The following INPP4B variants were observed in gnomAD, a reference collection of about 807,000 sequenced individuals.
INPP4B encodes the protein inositol polyphosphate 4-phosphatase type II.
Under a neutral mutation model 122.5 loss-of-function variants are expected in INPP4B, and 55 were observed. The observed-to-expected ratio is 0.45, with a 90% CI of 0.36 to 0.56. The LOEUF (loss-of-function observed/expected upper bound fraction) is 0.56. Among genes scored for constraint, INPP4B ranks in the 20% least tolerant of loss-of-function variants. INPP4B has a pLI of 0.00. For missense variants in INPP4B, 1,000 were observed against 1,097.7 expected, an observed-to-expected ratio of 0.91 and a Z score of 1.26; for synonymous variants, 403 against 388.7, an observed-to-expected ratio of 1.04 and a Z score of -0.43.
intron 18 of INPP4B, among the ~76,000 whole-genome samples, chr4:142,135,507 C>T (rs1217173208): frequency 1.3e-5 from 2 of 152,174 alleles, no homozygotes; most frequent in Non-Finnish European, 2.9e-5. Context: ...ATGGAAATGA[C>T]TGGCTGGGGC....
chr4:142,465,820 G>A (rs1009219162), intron 2 of INPP4B, among the ~76,000 whole-genome samples: 1 of 152,102 alleles, frequency 6.6e-6, no homozygotes, highest in African/African-American at 2.4e-5. Context: ...ATATTTGGTT[G>A]TTTAAAAGAG....
At chr4:142,227,443 CAAAA>C (rs1012007958) in intron 12 of INPP4B, among the ~76,000 whole-genome samples, 1 of 150,768 alleles carries the variant, frequency 6.6e-6, no homozygotes, top group Non-Finnish European at 1.5e-5. Context: ...GTATAAATAA[CAAAA>C]AAAGAGATGA....
chr4:142,246,990 A>G (rs1729210103), intron 11 of INPP4B, among the ~76,000 whole-genome samples: 1 of 152,130 alleles, frequency 6.6e-6, no homozygotes, highest in Non-Finnish European at 1.5e-5. Flanking sequence ...TACTTTATTG[A>G]GAGTTTTTAG....
chr4:142,639,454 T>G (rs187753981), intron 2 of INPP4B, among the ~76,000 whole-genome samples: 26 of 152,286 alleles, frequency 1.7e-4, no homozygotes, highest in Admixed American at 9.2e-4. Context: ...CTTGTGTGAG[T>G]TTTGGCAGAT....
chr4:142,420,513 T>C (rs150812972), intron 5 of INPP4B, among the ~76,000 whole-genome samples: 5 of 152,230 alleles, frequency 3.3e-5, no homozygotes, highest in Admixed American at 3.3e-4. Context: ...GACAGATGTG[T>C]AAAGAAGCTC....
chr4:142,268,185 T>C (rs1156972198), intron 10 of INPP4B, among the ~76,000 whole-genome samples: 1 of 150,662 alleles, frequency 6.6e-6, no homozygotes, highest in Non-Finnish European at 1.5e-5. Flanking sequence ...TAGCCGGGCA[T>C]GGTGGCGGGT....
At chr4:142,098,310 C>A (rs867101312) in intron 23 of INPP4B, among the ~76,000 whole-genome samples, 1 of 151,324 alleles carries the variant, frequency 6.6e-6, no homozygotes, top group African/African-American at 2.4e-5. Flanking sequence ...TAGAGGCCAC[C>A]GTAAAAATGT....
chr4:142,228,683 T>C (rs955363044), intron 12 of INPP4B, among the ~76,000 whole-genome samples: 5 of 151,692 alleles, frequency 3.3e-5, no homozygotes, highest in Admixed American at 6.6e-5. Context: ...CTAAGTACAA[T>C]AGAAAAAATA....
intron 23 of INPP4B, among the ~76,000 whole-genome samples, chr4:142,097,029 A>C (rs572386357): frequency 6.6e-5 from 10 of 152,192 alleles, no homozygotes; most frequent in African/African-American, 2.4e-4. Context: ...AAAAAATGCA[A>C]ATGAGGGTTT....
At chr4:142,056,711 A>G (rs1373913446) in intron 25 of INPP4B, among the ~76,000 whole-genome samples, 22 of 152,174 alleles carry the variant, frequency 1.4e-4, no homozygotes. Context: ...CACATATTTT[A>G]CAAGGAAATG....
At position 142,162,016 on chromosome 4, in the gene INPP4B, A is replaced by G. The variant is rs536015028; in HGVS notation, c.1360-1455T>C. On this transcript the variant is annotated intron_variant, in intron 16 of 25. Coordinates refer to ENST00000262992, the MANE Select transcript of INPP4B (RefSeq NM_001101669.3). ...TTCTTCCTCTTCTTCCCTAACCTCAACTTTCCAAGTGTTTTGAACATCTAC... is the reference window on the plus strand; with the variant it reads ...TTCTTCCTCTTCTTCCCTAACCTCAGCTTTCCAAGTGTTTTGAACATCTAC... Among the ~76,000 whole-genome samples the G allele has an allele frequency of 2.3e-3, 345 of 151,930 alleles. 1 individual carries two copies. The highest frequency in any genetic ancestry group is 7.6e-3 in the African/African-American group (317 of 41,498).
intron 2 of INPP4B, among the ~76,000 whole-genome samples, chr4:142,483,323 G>A (rs930703169): frequency 6.7e-6 from 1 of 148,676 alleles, no homozygotes; most frequent in African/African-American, 2.5e-5. Context: ...GTGTAATTCT[G>A]TTCAGACATT....
At position 142,204,954 on chromosome 4, in the gene INPP4B, A is replaced by T. The variant is rs575572606; in HGVS notation, c.1072+3471T>A. The stretch of plus-strand genomic sequence containing the variant: ...TAGTAGCCCTAGAAAACCAATACAT[A>T]TCCCAAACCAAACAAGTTAGAAAAT... On this transcript the variant is annotated intron_variant, in intron 14 of 25. Transcript: ENST00000262992. 2.0e-4 allele frequency among the ~76,000 whole-genome samples: 30 copies of T among 152,194 alleles called. 1 individual carries two copies. Among genetic ancestry groups the T allele is most frequent in the Middle Eastern group, 6.8e-3 (2 of 294 alleles).
intron 2 of INPP4B, among the ~76,000 whole-genome samples, chr4:142,551,416 G>A (rs1438370354): frequency 6.6e-6 from 1 of 152,150 alleles, no homozygotes; most frequent in Non-Finnish European, 1.5e-5. Flanking sequence ...AAATAAAAGG[G>A]AGGAGAGAGG....
chr4:142,700,337 TG>T (rs1395422854), intron 2 of INPP4B, among the ~76,000 whole-genome samples: 1 of 152,218 alleles, frequency 6.6e-6, no homozygotes, highest in Non-Finnish European at 1.5e-5. Context: ...GAGCACTAGT[TG>T]GACACATTTT....
At chr4:142,558,793 TAAAAAAAAAAAAA>T (rs34151070) in intron 2 of INPP4B, among the ~76,000 whole-genome samples, 6 of 75,544 alleles carry the variant, frequency 7.9e-5, no homozygotes, top group Non-Finnish European at 5.2e-5. Flanking sequence ...AGACTCCCTC[TAAAAAAAAAAAAA>T]AAAAAAAAAA....
intron 1 of INPP4B, among the ~76,000 whole-genome samples, chr4:142,731,970 C>T (rs1284869713): frequency 6.6e-6 from 1 of 152,098 alleles, no homozygotes; most frequent in Non-Finnish European, 1.5e-5. Context: ...CTTGGTCCCA[C>T]CTAGTACCCT....
chr4:142,396,033 A>G (rs982932121), intron 7 of INPP4B, among the ~76,000 whole-genome samples: 7 of 152,170 alleles, frequency 4.6e-5, no homozygotes, highest in African/African-American at 1.4e-4. Flanking sequence ...ATTTTTTAAG[A>G]GGTTAAATCT....
At chr4:142,544,477 G>C (rs1211941184) in intron 2 of INPP4B, among the ~76,000 whole-genome samples, 1 of 151,904 alleles carries the variant, frequency 6.6e-6, no homozygotes, top group Admixed American at 6.6e-5. Context: ...CAAGTCACGG[G>C]GTTGCCATCA....
Sources: gnomAD v4.1 joint callset for allele counts (sites outside exome capture counted in the v4.1 genomes callset) on GRCh38, gnomAD v4.1.1 for gene constraint, MANE v1.5 for transcripts, NCBI Gene and HGNC (gene_info 2026-07-23, HGNC 2026-07-21) for gene names.